The following SCN2A variants were observed in gnomAD, a reference collection of about 807,000 sequenced individuals.
The protein encoded by SCN2A is sodium voltage-gated channel alpha subunit 2.
Under a neutral mutation model 188.7 loss-of-function variants are expected in SCN2A, and 20 were observed. The observed-to-expected ratio is 0.11, with a 90% confidence interval of 0.07 to 0.15. SCN2A has a LOEUF of 0.15. Ranked by LOEUF, SCN2A falls within the 10% of genes least tolerant of loss-of-function variation. The probability of loss-of-function intolerance (pLI) is 1.00; values close to 1 mark genes in which losing one functional copy is unlikely to be tolerated. For synonymous variants in SCN2A, 804 were observed against 833.1 expected (o/e 0.97, Z 0.60); for missense variants, 1,278 against 2,445.0 (o/e 0.52, Z 10.07).
Position 165,388,653 on chromosome 2 carries a change from A to G in SCN2A, c.4847A>G (p.Glu1616Gly). The change falls in exon 27 of 27, where the codon GAA becomes GGA. Residue 1616 changes from glutamate (E) to glycine (G), a missense_variant. Glu to Gly is a moderately conservative substitution (Grantham distance 98). This residue lies in a region of SCN2A where 97 missense variants were observed against 266.1 expected (regional missense o/e 0.36). Coordinates refer to ENST00000375437, the MANE Select transcript of SCN2A (RefSeq NM_001040142.2). ...IVGMFLAELIEKYFVSPTLFR... is the reference protein window; with the variant it reads ...IVGMFLAELIGKYFVSPTLFR... ...GGAATGTTTCTGGCTGAACTGATAG[A>G]AAAGTATTTTGTGTCCCCTACCCTG... is the stretch of plus-strand genomic sequence containing the variant. 2 of 1,613,918 alleles carry G rather than the reference A, an allele frequency of 1.2e-6. No individual in the cohort carries two copies. The highest frequency in any genetic ancestry group is 2.2e-5 in the East Asian group (1 of 44,878).
intron 14 of SCN2A, among the ~76,000 whole-genome samples, chr2:165,334,999 CTATT>C (rs974565084): frequency 5.9e-5 from 9 of 151,304 alleles, no homozygotes; most frequent in Non-Finnish European, 1.2e-4. Context: ...TAGGAAAATT[CTATT>C]TATAACAACA....
At chr2:165,248,399 T>A (rs1200902399) in intron 1 of SCN2A, among the ~76,000 whole-genome samples, 1 of 152,134 alleles carries the variant, frequency 6.6e-6, no homozygotes, top group African/African-American at 2.4e-5. Flanking sequence ...AACACTTCAA[T>A]CCTTTGGGCT....
intron 1 of SCN2A, among the ~76,000 whole-genome samples, chr2:165,244,289 T>C (rs1693750866): frequency 6.6e-6 from 1 of 151,768 alleles, no homozygotes; most frequent in Non-Finnish European, 1.5e-5. Flanking sequence ...AGAAGAAAAA[T>C]AAAAGCTGAC....
chr2:165,288,556 T>C (rs1695959425), intron 1 of SCN2A, among the ~76,000 whole-genome samples: 1 of 151,644 alleles, frequency 6.6e-6, no homozygotes, highest in Non-Finnish European at 1.5e-5. Context: ...AAAAAACAGC[T>C]TTTCTCACCA....
rs547928736 is a variant in SCN2A, at chr2:165,369,324, C to T, written c.3676-802C>T. Among the ~76,000 whole-genome samples, 3 of 152,274 alleles carry T rather than the reference C, an allele frequency of 2.0e-5. No homozygotes were observed. The South Asian group carries it at 6.2e-4, about 32-fold the overall frequency. ...GGAGCTCTTTGTTCTCAGTTACACC[C>T]AGTCAGTGCTCACCAAATTGCACAA... is the stretch of plus-strand genomic sequence containing the variant. On this transcript the variant is annotated intron_variant, in intron 19 of 26. Coordinates refer to ENST00000375437, the MANE Select transcript of SCN2A (RefSeq NM_001040142.2).
intron 6 of SCN2A, among the ~76,000 whole-genome samples, chr2:165,309,872 A>C (rs1697340170): frequency 6.6e-6 from 1 of 152,106 alleles, no homozygotes; most frequent in Non-Finnish European, 1.5e-5. Context: ...TCCTTTTTTT[A>C]ACCCATACTC....
chr2:165,315,514 G>A lies in SCN2A; in HGVS notation c.1427G>A (p.Gly476Asp), dbSNP rs1400609696. The A allele has an allele frequency of 6.2e-7, 1 of 1,613,984 alleles. No homozygotes were observed. The highest frequency in any genetic ancestry group is 1.3e-5 in the African/African-American group (1 of 75,038). ...TCTGCTGAATCAAGAGACTTCAGTG[G>A]TGCTGGTGGGATAGGAGTTTTTTCA... ...AASAESRDFSGAGGIGVFSES... is the reference protein window; with the variant it reads ...AASAESRDFSDAGGIGVFSES... The change falls in exon 11 of 27, where the codon GGT becomes GAT. Residue 476 changes from glycine to aspartate, a missense_variant. Gly to Asp is a moderately conservative substitution (Grantham distance 94). Transcript: ENST00000375437.
chr2:165,239,704 T>TTAATA (rs1300247841), intron 1 of SCN2A, 64 bp downstream of exon 1: 7 of 736,604 alleles, frequency 9.5e-6, no homozygotes, highest in Non-Finnish European at 1.2e-5. Flanking sequence ...AGAATGACAT[T>TTAATA]TAATATAAGA....
At chr2:165,246,790 C>G (rs1693865939) in intron 1 of SCN2A, among the ~76,000 whole-genome samples, 1 of 152,002 alleles carries the variant, frequency 6.6e-6, no homozygotes, top group African/African-American at 2.4e-5. Flanking sequence ...TTCATGATGC[C>G]CAGCAATCAT....
intron 1 of SCN2A, among the ~76,000 whole-genome samples, chr2:165,293,641 A>G (rs966031951): frequency 6.6e-6 from 1 of 152,230 alleles, no homozygotes; most frequent in African/African-American, 2.4e-5. Context: ...TAAGCAGTGC[A>G]CTACTGTACT....
chr2:165,247,623 C>T (rs1693904960), intron 1 of SCN2A, among the ~76,000 whole-genome samples: 1 of 152,194 alleles, frequency 6.6e-6, no homozygotes, highest in Admixed American at 6.6e-5. Context: ...AGTCACTTTA[C>T]TCTTTACTCT....
At chr2:165,384,530 A>G (rs1449776943) in intron 25 of SCN2A, among the ~76,000 whole-genome samples, 1 of 152,108 alleles carries the variant, frequency 6.6e-6, no homozygotes, top group African/African-American at 2.4e-5. Flanking sequence ...GTTTTTTATT[A>G]GTCATGGTGA....
At chr2:165,277,789 G>A (rs1695409585) in intron 1 of SCN2A, among the ~76,000 whole-genome samples, 1 of 152,042 alleles carries the variant, frequency 6.6e-6, no homozygotes, top group South Asian at 2.1e-4. Flanking sequence ...CTCTAGAATC[G>A]ACAGAGGCTA....
intron 17 of SCN2A, among the ~76,000 whole-genome samples, chr2:165,364,489 G>A (rs910406111): frequency 6.6e-6 from 1 of 152,238 alleles, no homozygotes; most frequent in Admixed American, 6.5e-5. Flanking sequence ...GCAGGTAAGA[G>A]TGCCAGAGTA....
chr2:165,329,473 T>G (rs1026262950), intron 13 of SCN2A, among the ~76,000 whole-genome samples: 3 of 152,148 alleles, frequency 2.0e-5, no homozygotes, highest in African/African-American at 7.2e-5. Flanking sequence ...AAGTGTGAGA[T>G]TCCCCCCTTT....
chr2:165,245,862 A>ACTTTCT (rs1176355843), intron 1 of SCN2A, among the ~76,000 whole-genome samples: 1 of 152,178 alleles, frequency 6.6e-6, no homozygotes, highest in East Asian at 1.9e-4. Context: ...AAGTGTTAGA[A>ACTTTCT]AGTTAAAATG....
intron 8 of SCN2A, 51 bp from the exon 9 acceptor site, chr2:165,313,569 T>C (rs1160030486): frequency 3.1e-6 from 5 of 1,607,948 alleles, no homozygotes; most frequent in Non-Finnish European, 4.3e-6. Flanking sequence ...GAAAACCAAT[T>C]AGCAGACTTG....
rs1034796533 is a variant in SCN2A at position 165,370,004 on chromosome 2, G to T, written c.3676-122G>T. The stretch of plus-strand genomic sequence containing the variant: ...ATGATAAAGTAAAATTCAGCCATGG[G>T]AAACATTAAACCTTCCAGCCTTAGG... On this transcript the variant is annotated intron_variant, in intron 19 of 26. Coordinates refer to ENST00000375437, the MANE Select transcript of SCN2A (RefSeq NM_001040142.2). 3.1e-5 allele frequency: 24 copies of T among 786,350 alleles called. No homozygotes were observed. The South Asian group carries it at 4.0e-4, about 13-fold the overall frequency. The allele number at this position is 786,350 out of a possible 1,614,324, so 48.7% of individuals were successfully genotyped here.
intron 11 of SCN2A, among the ~76,000 whole-genome samples, chr2:165,318,668 C>CCCTT (rs1203106315): frequency 6.6e-6 from 1 of 152,194 alleles, no homozygotes; most frequent in Admixed American, 6.5e-5. Flanking sequence ...TTTCTTCCAA[C>CCCTT]CCTTCTATGG....
Sources: gnomAD v4.1 joint callset for allele counts (sites outside exome capture counted in the v4.1 genomes callset) on GRCh38, gnomAD v4.1.1 for gene constraint, gnomAD v4.1.1 regional missense constraint, MANE v1.5 for transcripts, NCBI Gene and HGNC (gene_info 2026-07-23, HGNC 2026-07-21) for gene names.